ARHGAP42: variants seen among roughly 807,000 people sequenced by gnomAD.
The protein encoded by ARHGAP42 is Rho GTPase activating protein 42.
A neutral mutation model predicts 125.0 loss-of-function variants in ARHGAP42; 63 were observed. That is an observed-to-expected ratio of 0.50 (90% CI 0.41 to 0.62). The LOEUF (loss-of-function observed/expected upper bound fraction) is 0.62, where lower values mean the gene tolerates loss of function less well. ARHGAP42 is among the 20% of genes least tolerant of loss of function. The probability of loss-of-function intolerance (pLI) is 0.00; values close to 1 mark genes in which losing one functional copy is unlikely to be tolerated. For synonymous variants in ARHGAP42, 339 were observed against 351.0 expected (o/e 0.97, Z 0.38); for missense variants, 766 against 1,024.2 (o/e 0.75, Z 3.44).
chr11:100,992,654 G>C lies in ARHGAP42; in HGVS notation c.*3853G>C. The C allele has an allele frequency of 6.2e-7, 1 of 1,610,210 alleles. No individual in the cohort carries two copies. On this transcript the variant is annotated 3_prime_UTR_variant, in exon 24 of 24. Transcript: ENST00000298815. ...TATCCCCCTGCTTCAAAATGTGCCAGTTCCACTTGGTAATAACGTTGGGAA... is the reference window on the plus strand; with the variant it reads ...TATCCCCCTGCTTCAAAATGTGCCACTTCCACTTGGTAATAACGTTGGGAA...
intron 4 of ARHGAP42, among the ~76,000 whole-genome samples, chr11:100,870,975 A>G (rs1757693295): frequency 6.6e-6 from 1 of 151,982 alleles, no homozygotes; most frequent in South Asian, 2.1e-4. Context: ...GATTTTCCAA[A>G]GAATTGTAAT....
chr11:100,878,248 C>T (rs1165780611), intron 4 of ARHGAP42, among the ~76,000 whole-genome samples: 1 of 152,066 alleles, frequency 6.6e-6, no homozygotes, highest in East Asian at 2.0e-4. Context: ...CCTGCCTCAG[C>T]CTCCCGAGTA....
intron 7 of ARHGAP42, among the ~76,000 whole-genome samples, chr11:100,935,673 C>CAGAGAGAG (rs202012921): frequency 3.3e-5 from 4 of 122,050 alleles, no homozygotes; most frequent in Non-Finnish European, 5.1e-5. Flanking sequence ...CACACACACA[C>CAGAGAGAG]ACACAGAGAG....
At position 100,930,915 on chromosome 11, in the gene ARHGAP42, C is replaced by T. The variant is rs150018694; in HGVS notation, c.598-2241C>T. On this transcript the variant is annotated intron_variant, in intron 6 of 23. Coordinates refer to ENST00000298815, the MANE Select transcript of ARHGAP42 (RefSeq NM_152432.4). ...GTCTAATCTTTTGAAATAGAATACA[C>T]ATTGACATTCCTTATCCAAAATGCT... Among the ~76,000 whole-genome samples, 296 of 152,256 alleles carry T rather than the reference C, an allele frequency of 1.9e-3. 1 individual carries two copies. The highest frequency in any genetic ancestry group is 6.6e-3 in the African/African-American group (274 of 41,544).
intron 3 of ARHGAP42, among the ~76,000 whole-genome samples, chr11:100,812,903 C>G (rs1033770689): frequency 3.8e-4 from 58 of 152,154 alleles, no homozygotes; most frequent in African/African-American, 1.3e-3. Flanking sequence ...GTGACATGAA[C>G]TGATTTAGGA....
At chr11:100,922,142 C>T (rs1157872686) in intron 6 of ARHGAP42, among the ~76,000 whole-genome samples, 2 of 152,110 alleles carry the variant, frequency 1.3e-5, no homozygotes, top group African/African-American at 4.8e-5. Flanking sequence ...TGAATGAATA[C>T]ACTTCACCAG....
At chr11:100,828,233 A>T (rs1007127622) in intron 3 of ARHGAP42, among the ~76,000 whole-genome samples, 8 of 150,630 alleles carry the variant, frequency 5.3e-5, no homozygotes, top group South Asian at 4.3e-4. Flanking sequence ...TTTGTGTTAC[A>T]CCCTTTAGAA....
chr11:100,835,191 C>T (rs1299236558), intron 3 of ARHGAP42, among the ~76,000 whole-genome samples: 2 of 152,062 alleles, frequency 1.3e-5, no homozygotes, highest in Non-Finnish European at 2.9e-5. Flanking sequence ...GAGGTTCCTC[C>T]TCTTCTGTGG....
chr11:100,957,599 A>G (rs1857839536), intron 12 of ARHGAP42, among the ~76,000 whole-genome samples: 1 of 152,120 alleles, frequency 6.6e-6, no homozygotes. Context: ...AAGGAAACAA[A>G]AATTCATGGT....
chr11:100,926,626 G>T (rs1260974500), intron 6 of ARHGAP42, among the ~76,000 whole-genome samples: 2 of 152,122 alleles, frequency 1.3e-5, no homozygotes, highest in Non-Finnish European at 2.9e-5. Flanking sequence ...CTTTACAAAT[G>T]CTCTGCCTCA....
At chr11:100,896,347 G>A (rs1866363961) in intron 4 of ARHGAP42, among the ~76,000 whole-genome samples, 1 of 152,052 alleles carries the variant, frequency 6.6e-6, no homozygotes, top group Non-Finnish European at 1.5e-5. Flanking sequence ...TAATCCTTTG[G>A]GTATATACCC....
chr11:100,931,969 T>C (rs1867593400), intron 6 of ARHGAP42, among the ~76,000 whole-genome samples: 1 of 152,178 alleles, frequency 6.6e-6, no homozygotes, highest in South Asian at 2.1e-4. Flanking sequence ...GGGCAAATGC[T>C]ACATTTTGGT....
intron 1 of ARHGAP42, among the ~76,000 whole-genome samples, chr11:100,749,965 G>A (rs537292840): frequency 1.1e-3 from 175 of 152,192 alleles, no homozygotes; most frequent in African/African-American, 3.9e-3. Context: ...TTCTTTCCGC[G>A]TTGCTGAGAG....
intron 1 of ARHGAP42, among the ~76,000 whole-genome samples, chr11:100,728,714 G>A (rs7931019): frequency 0.11 from 7,824 of 69,992 alleles, 1,118 homozygotes; most frequent in East Asian, 0.22. Flanking sequence ...ATGACTTTGC[G>A]TATATATATA....
At chr11:100,912,729 G>A (rs1866957721) in intron 4 of ARHGAP42, among the ~76,000 whole-genome samples, 1 of 152,092 alleles carries the variant, frequency 6.6e-6, no homozygotes, top group African/African-American at 2.4e-5. Flanking sequence ...AAAAGGTAAA[G>A]TTACTCCCTT....
chr11:100,707,921 T>C (rs149295679), intron 1 of ARHGAP42, among the ~76,000 whole-genome samples: 164 of 152,354 alleles, frequency 1.1e-3, no homozygotes, highest in African/African-American at 3.8e-3. Context: ...TTGTACATAC[T>C]TTCTTGATAG....
intron 1 of ARHGAP42, among the ~76,000 whole-genome samples, chr11:100,744,558 G>GTGCA (rs1321179535): frequency 4.9e-5 from 2 of 40,884 alleles, no homozygotes; most frequent in South Asian, 6.1e-4. Flanking sequence ...GTGTGTGTGT[G>GTGCA]TGTGTGCGTG....
chr11:100,848,122 G>A (rs1327338070), intron 3 of ARHGAP42, among the ~76,000 whole-genome samples: 1 of 152,104 alleles, frequency 6.6e-6, no homozygotes, highest in Non-Finnish European at 1.5e-5. Flanking sequence ...AAGCTTTGGG[G>A]TAAGGTACAC....
chr11:100,957,523 T>C (rs1321802179), intron 12 of ARHGAP42, among the ~76,000 whole-genome samples: 1 of 152,134 alleles, frequency 6.6e-6, no homozygotes, highest in Non-Finnish European at 1.5e-5. Flanking sequence ...TTCCTGGCTT[T>C]AAACAAAGCT....
Sources: gnomAD v4.1 joint callset for allele counts (sites outside exome capture counted in the v4.1 genomes callset) on GRCh38, gnomAD v4.1.1 for gene constraint, MANE v1.5 for transcripts, NCBI Gene and HGNC (gene_info 2026-07-23, HGNC 2026-07-21) for gene names.